SERPINB12: variants seen among roughly 807,000 people sequenced by gnomAD.
The protein encoded by SERPINB12 is serpin B12.
Under a neutral mutation model 41.1 loss-of-function variants are expected in SERPINB12, and 57 were observed. The ratio of observed to expected loss-of-function variants is 1.39; its 90% CI spans 1.12 to 1.73. The LOEUF (loss-of-function observed/expected upper bound fraction) is 1.73. Among genes scored for constraint, SERPINB12 ranks in the 40% most tolerant of loss-of-function variants. The pLI is 0.00. For missense variants in SERPINB12, 536 were observed against 501.9 expected (o/e 1.07, Z -0.65); for synonymous variants, 180 against 181.3 (o/e 0.99, Z 0.06).
At chr18:63,556,056 T>A in intron 1 of SERPINB12, 86 bp from the exon 2 acceptor site, 1 of 940,514 alleles carries the variant, frequency 1.1e-6, no homozygotes, top group Non-Finnish European at 1.7e-6. Flanking sequence ...TGCATGATTG[T>A]ATTTCAGGTA....
rs574614977 is a variant in SERPINB12 at position 63,558,533 on chromosome 18, G to T, written c.303+47G>T. On this transcript the variant is annotated intron_variant, in intron 3 of 7. Coordinates refer to ENST00000382768, the MANE Select transcript of SERPINB12 (RefSeq NM_001307928.2). ...CTCTTGCCTTTCTTTTTTACAAACT[G>T]CTTATTCTGGCTGTAGGATATTTGG... is the stretch of plus-strand genomic sequence containing the variant. 3.7e-5 allele frequency: 58 copies of T among 1,553,636 alleles called. No homozygotes were observed. In the East Asian group the frequency reaches 1.3e-3, roughly 35 times the overall value.
At chr18:63,548,863 A>T (rs1910452781) in intron 1 of SERPINB12, among the ~76,000 whole-genome samples, 1 of 152,138 alleles carries the variant, frequency 6.6e-6, no homozygotes, top group African/African-American at 2.4e-5. Flanking sequence ...GGCTGACAGT[A>T]TGAAAGTTAA....
rs1911207532 is a variant in SERPINB12 at position 63,568,951 on chromosome 18, C to T, written c.*1940C>T. ...TATCCAGAATGCATGTCCCATGGGT[C>T]AAATTAATTTCAGATAACCAAAAAC... is the stretch of plus-strand genomic sequence containing the variant. On this transcript the variant is annotated 3_prime_UTR_variant, in exon 8 of 8. Coordinates refer to ENST00000382768, the MANE Select transcript of SERPINB12 (RefSeq NM_001307928.2). Among the ~76,000 whole-genome samples, 1 of 152,136 alleles carries T rather than the reference C, an allele frequency of 6.6e-6. No homozygotes were observed. The highest frequency in any genetic ancestry group is 2.4e-5 in the African/African-American group (1 of 41,416).
chr18:63,558,215 C>T (rs770984775), intron 2 of SERPINB12, 137 bp from the exon 3 acceptor site: 47 of 1,002,224 alleles, frequency 4.7e-5, no homozygotes, highest in Non-Finnish European at 6.7e-5. Context: ...GAAGCACCCA[C>T]TTTCCTTTAA....
In SERPINB12 at chr18:63,556,716, A is replaced by T. The variant is rs141017678; in HGVS notation, c.168+389A>T. Reference sequence around the variant, plus strand: ...TCATTTCATTAAATAAATATTCATTAAGTACCATATATGGTTCCAGTGGCT... The same window carrying T: ...TCATTTCATTAAATAAATATTCATTTAGTACCATATATGGTTCCAGTGGCT... On this transcript the variant is annotated intron_variant, in intron 2 of 7. Coordinates refer to ENST00000382768, the MANE Select transcript of SERPINB12 (RefSeq NM_001307928.2). Among the ~76,000 whole-genome samples, 387 of 152,318 alleles carry T rather than the reference A, an allele frequency of 2.5e-3. 4 individuals carry two copies. The highest frequency in any genetic ancestry group is 8.8e-3 in the African/African-American group (367 of 41,566).
At chr18:63,556,433 G>T in intron 2 of SERPINB12, 106 bp downstream of exon 2, 1 of 1,026,738 alleles carries the variant, frequency 9.7e-7, no homozygotes, top group Non-Finnish European at 1.4e-6. Context: ...TGCACCCTGG[G>T]CTTGGTCAGA....
intron 1 of SERPINB12, among the ~76,000 whole-genome samples, chr18:63,548,817 G>T (rs1910451092): frequency 6.6e-6 from 1 of 151,854 alleles, no homozygotes; most frequent in African/African-American, 2.4e-5. Flanking sequence ...ATCTGAAAAA[G>T]GTGATTATGA....
At chr18:63,548,254 T>A (rs1254161204) in intron 1 of SERPINB12, among the ~76,000 whole-genome samples, 5 of 151,858 alleles carry the variant, frequency 3.3e-5, no homozygotes, top group African/African-American at 7.3e-5. Flanking sequence ...TCAAACACCA[T>A]AAAAATGGAA....
At chr18:63,535,306 A>G in the SERPINB12 span, among the ~76,000 whole-genome samples, 8 of 152,306 alleles carry the variant, frequency 5.3e-5, no homozygotes, top group African/African-American at 1.9e-4. Context: ...TCTACAAGAC[A>G]TCACCCAACC....
At position 63,566,634 on chromosome 18, in the gene SERPINB12, A is replaced by T. The variant is rs760237124; in HGVS notation, c.901A>T (p.Met301Leu). The change falls in exon 8 of 8, where the codon ATG becomes TTG. Residue 301 changes from methionine to leucine, a missense_variant. Met to Leu is a conservative substitution (Grantham distance 15, BLOSUM62 2). Coordinates refer to ENST00000382768, the MANE Select transcript of SERPINB12 (RefSeq NM_001307928.2). Reference protein sequence around the residue: ...ELERKITYEKMVAWSSSENMS... With the variant: ...ELERKITYEKLVAWSSSENMS... ...TGAAAGGAAAATCACCTATGAAAAA[A>T]TGGTGGCCTGGAGCAGCTCAGAAAA... The T allele has an allele frequency of 6.2e-7, 1 of 1,607,818 alleles. No homozygotes were observed. Among genetic ancestry groups the T allele is most frequent in the Non-Finnish European group, 8.5e-7 (1 of 1,178,336 alleles).
rs149785165 is a variant in SERPINB12 at position 63,567,398 on chromosome 18, C to T, written c.*387C>T. Among the ~76,000 whole-genome samples the T allele has an allele frequency of 5.3e-3, 812 of 152,122 alleles. 4 individuals are homozygous for T. Among genetic ancestry groups the T allele is most frequent in the African/African-American group, 0.018 (764 of 41,514 alleles). ...AGCAAGAGAACATGTTTGACTGGAA[C>T]GTGTTTGGAAACTCAGCTCTGTTTC... On this transcript the variant is annotated 3_prime_UTR_variant, in exon 8 of 8. Coordinates refer to ENST00000382768, the MANE Select transcript of SERPINB12 (RefSeq NM_001307928.2).
chr18:63,543,150 A>G (rs565760810), intron 1 of SERPINB12, among the ~76,000 whole-genome samples: 1 of 152,306 alleles, frequency 6.6e-6, no homozygotes, highest in East Asian at 1.9e-4. Context: ...ACTTATTAGG[A>G]ATGAATGAGA....
chr18:63,558,783 A>G lies in SERPINB12; in HGVS notation c.303+297A>G, dbSNP rs1002544657. 7.9e-5 allele frequency among the ~76,000 whole-genome samples: 12 copies of G among 152,312 alleles called. No homozygotes were observed. In the East Asian group the frequency reaches 2.3e-3, roughly 29 times the overall value. On this transcript the variant is annotated intron_variant, in intron 3 of 7. Coordinates refer to ENST00000382768, the MANE Select transcript of SERPINB12 (RefSeq NM_001307928.2). ...AGGGCCCCAACACAGAGTATGGTCAAAGATAAAGGTGGTAAGGGGTAGGGT... is the reference window on the plus strand; with the variant it reads ...AGGGCCCCAACACAGAGTATGGTCAGAGATAAAGGTGGTAAGGGGTAGGGT...
intron 4 of SERPINB12, 34 bp from the exon 5 acceptor site, chr18:63,561,051 A>G: frequency 7.3e-7 from 1 of 1,377,838 alleles, no homozygotes; most frequent in East Asian, 2.3e-5. Context: ...GCCTGACTTT[A>G]TTGCATTATT....
Position 63,569,028 on chromosome 18 carries a change from A to G in SERPINB12, c.*2017A>G, listed in dbSNP as rs1368584666. Among the ~76,000 whole-genome samples the G allele has an allele frequency of 1.3e-5, 2 of 152,050 alleles. No homozygotes were observed. Among genetic ancestry groups the G allele is most frequent in the Non-Finnish European group, 2.9e-5 (2 of 68,024 alleles). On this transcript the variant is annotated 3_prime_UTR_variant, in exon 8 of 8. Transcript: ENST00000382768. ...GGTTGACGTTTTGGGGGCTGTTTCC[A>G]TGTCTGACTTGGCACCACTGCCCGA... is the stretch of plus-strand genomic sequence containing the variant.
Position 63,563,968 on chromosome 18 carries a change from CT to C in SERPINB12, c.563-3del, listed in dbSNP as rs753793130. 8 of 1,597,192 alleles carry C rather than the reference CT, an allele frequency of 5.0e-6. No homozygotes were observed. Among genetic ancestry groups the C allele is most frequent in the Non-Finnish European group, 6.8e-6 (8 of 1,173,654 alleles). The stretch of plus-strand genomic sequence containing the variant: ...TCATACTCAGGATATTCTCTGGGAT[CT>C]TTTTTTAGGTAAAATCAAGGAACTC... On this transcript the variant is annotated splice_polypyrimidine_tract_variant and intron_variant, in intron 5 of 7. Coordinates refer to ENST00000382768, the MANE Select transcript of SERPINB12 (RefSeq NM_001307928.2).
chr18:63,565,098 G>T (rs1159519744), intron 6 of SERPINB12, among the ~76,000 whole-genome samples: 1 of 152,100 alleles, frequency 6.6e-6, no homozygotes, highest in African/African-American at 2.4e-5. Flanking sequence ...GAGGTGGGAG[G>T]ATTGCCTGAG....
the SERPINB12 span, among the ~76,000 whole-genome samples, chr18:63,530,818 G>A: frequency 6.6e-6 from 1 of 152,054 alleles, no homozygotes; most frequent in African/African-American, 2.4e-5. Flanking sequence ...AAAAGGGAGG[G>A]GAAGGTTAGA....
rs201598620 is a variant in SERPINB12, at chr18:63,563,016, G to GCT, written c.563-962_563-961insCT. Among the ~76,000 whole-genome samples the GCT allele has an allele frequency of 2.6e-3, 394 of 152,310 alleles. 5 individuals are homozygous for GCT. The highest frequency in any genetic ancestry group is 9.0e-3 in the African/African-American group (373 of 41,566). ...AAGGAGCCCCAGAGCTGAGCCCAAA[G>GCT]GTGGAAGGCCTGAGGACCCATTCCT... On this transcript the variant is annotated intron_variant, in intron 5 of 7. Transcript: ENST00000382768.
Sources: gnomAD v4.1 joint callset for allele counts (sites outside exome capture counted in the v4.1 genomes callset) on GRCh38, gnomAD v4.1.1 for gene constraint, MANE v1.5 for transcripts, NCBI Gene and HGNC (gene_info 2026-07-23, HGNC 2026-07-21) for gene names.